Variants in RBMS1 observed in about 807,000 individuals in gnomAD.
RBMS1 encodes the protein RNA binding motif single stranded interacting protein 1.
RBMS1 carries 17 observed loss-of-function variants against 62.3 expected under a neutral mutation model. The ratio of observed to expected loss-of-function variants is 0.27; its 90% CI spans 0.19 to 0.41. The LOEUF (loss-of-function observed/expected upper bound fraction) is 0.41, where lower values mean the gene tolerates loss of function less well. RBMS1 is among the 10% of genes least tolerant of loss of function. The pLI is 1.00. For missense variants in RBMS1, 334 were observed against 504.5 expected (o/e 0.66, Z 3.24); for synonymous variants, 172 against 170.0 (o/e 1.01, Z -0.09).
At chr2:160,367,159 A>G in intron 2 of RBMS1, 57 bp downstream of exon 2, 1 of 1,536,956 alleles carries the variant, frequency 6.5e-7, no homozygotes, top group Non-Finnish European at 9.0e-7. Flanking sequence ...ATATCACTCT[A>G]TAATATGATC....
intron 2 of RBMS1, among the ~76,000 whole-genome samples, chr2:160,329,079 C>T (rs1025432927): frequency 5.9e-5 from 9 of 152,278 alleles, no homozygotes; most frequent in South Asian, 2.1e-4. Context: ...TGAACACTAA[C>T]GCTGGCTTTG....
chr2:160,418,253 C>T (rs138068190), intron 1 of RBMS1, among the ~76,000 whole-genome samples: 20 of 152,332 alleles, frequency 1.3e-4, no homozygotes, highest in South Asian at 1.0e-3. Flanking sequence ...TACACAGACA[C>T]GCATACACTC....
intron 4 of RBMS1, among the ~76,000 whole-genome samples, chr2:160,308,735 G>A (rs534730489): frequency 6.6e-6 from 1 of 152,278 alleles, no homozygotes; most frequent in South Asian, 2.1e-4. Context: ...CTTTTCCTTA[G>A]CCAATGTATA....
chr2:160,350,745 G>T (rs1389763837), intron 2 of RBMS1, among the ~76,000 whole-genome samples: 1 of 152,128 alleles, frequency 6.6e-6, no homozygotes, highest in African/African-American at 2.4e-5. Flanking sequence ...TCTTAATCCA[G>T]TCTATCATTG....
At chr2:160,326,215 A>C (rs1480532258) in intron 2 of RBMS1, among the ~76,000 whole-genome samples, 1 of 152,242 alleles carries the variant, frequency 6.6e-6, no homozygotes, top group East Asian at 1.9e-4. Flanking sequence ...GATCAAACCA[A>C]GAAATCAACT....
intron 1 of RBMS1, among the ~76,000 whole-genome samples, chr2:160,453,294 G>A (rs1235323854): frequency 6.6e-6 from 1 of 151,924 alleles, no homozygotes; most frequent in Non-Finnish European, 1.5e-5. Context: ...CTGTAAAAAA[G>A]AAATAAACTA....
intron 1 of RBMS1, among the ~76,000 whole-genome samples, chr2:160,378,503 CTGGGGAAGCTGAGGT>C (rs1694114323): frequency 6.6e-6 from 1 of 151,894 alleles, no homozygotes; most frequent in South Asian, 2.1e-4. Flanking sequence ...TGTCCAACTA[CTGGGGAAGCTGAGGT>C]GGGACGATCA....
Position 160,278,553 on chromosome 2 carries a change from C to T in RBMS1, c.1057G>A (p.Gly353Arg), listed in dbSNP as rs927210621. 8.1e-6 allele frequency: 13 copies of T among 1,611,194 alleles called. No individual in the cohort carries two copies. Among genetic ancestry groups the T allele is most frequent in the African/African-American group, 1.3e-5 (1 of 74,832 alleles). ...GATAATTATTTGCCACCTACTGTTC[C>T]GGTGCTGCCTAGTGACAGATGACTC... ...QMSHLSLGST[G>R]TYMPATSAMQ... Residue 353 changes from glycine to arginine, a missense_variant, in exon 11 of 14, where the codon GGA (glycine) becomes AGA (arginine). This residue lies in a region of RBMS1 where 182 missense variants were observed against 257.7 expected (regional missense o/e 0.71). Coordinates refer to ENST00000348849, the MANE Select transcript of RBMS1 (RefSeq NM_016836.4).
chr2:160,447,040 T>C (rs1180998677), intron 1 of RBMS1, among the ~76,000 whole-genome samples: 1 of 152,226 alleles, frequency 6.6e-6, no homozygotes, highest in Non-Finnish European at 1.5e-5. Flanking sequence ...GTAGAATGTG[T>C]TAATCAGTAT....
intron 1 of RBMS1, among the ~76,000 whole-genome samples, chr2:160,458,051 C>T (rs566893157): frequency 7.2e-5 from 11 of 152,160 alleles, no homozygotes; most frequent in South Asian, 2.1e-4. Flanking sequence ...GCAGCCTCAA[C>T]CTCCTGGGCA....
chr2:160,311,759 A>G, intron 4 of RBMS1, among the ~76,000 whole-genome samples: 1 of 152,116 alleles, frequency 6.6e-6, no homozygotes, highest in East Asian at 1.9e-4. Flanking sequence ...TACTCAAAAG[A>G]TCAAACTGCT....
chr2:160,488,746 A>G (rs145614049), intron 1 of RBMS1, among the ~76,000 whole-genome samples: 2 of 152,316 alleles, frequency 1.3e-5, no homozygotes, highest in Admixed American at 1.3e-4. Flanking sequence ...AAAATAAGCT[A>G]TTTTAGATTG....
chr2:160,462,132 G>A (rs1034507044), intron 1 of RBMS1, among the ~76,000 whole-genome samples: 4 of 152,096 alleles, frequency 2.6e-5, no homozygotes, highest in African/African-American at 7.2e-5. Context: ...TTAGCTCAAC[G>A]GGCCCCAAAC....
At chr2:160,293,058 T>G (rs1412113891) in intron 6 of RBMS1, among the ~76,000 whole-genome samples, 1 of 152,154 alleles carries the variant, frequency 6.6e-6, no homozygotes, top group Non-Finnish European at 1.5e-5. Context: ...ATGTACCGGG[T>G]GAGGGAGATA....
At chr2:160,384,765 C>T (rs914037327) in intron 1 of RBMS1, among the ~76,000 whole-genome samples, 1 of 152,206 alleles carries the variant, frequency 6.6e-6, no homozygotes, top group Non-Finnish European at 1.5e-5. Context: ...TGCTCAGTAA[C>T]TGCTACCTAC....
chr2:160,292,099 T>C (rs994705973), intron 6 of RBMS1, among the ~76,000 whole-genome samples: 12 of 152,342 alleles, frequency 7.9e-5, no homozygotes, highest in African/African-American at 2.6e-4. Flanking sequence ...TGTGTGGATC[T>C]TAATCTTTTT....
chr2:160,448,688 G>A (rs1314197251), intron 1 of RBMS1, among the ~76,000 whole-genome samples: 1 of 152,220 alleles, frequency 6.6e-6, no homozygotes, highest in East Asian at 1.9e-4. Flanking sequence ...CCAAAGTGCC[G>A]AGATTGCAGC....
Position 160,493,415 on chromosome 2 carries a change from A to G in RBMS1, c.-52T>C. 1 of 1,569,772 alleles carries G rather than the reference A, an allele frequency of 6.4e-7. No individual in the cohort carries two copies. Among genetic ancestry groups the G allele is most frequent in the Non-Finnish European group, 8.8e-7 (1 of 1,141,790 alleles). ...GGGTCGCGGACACTTTGGGGTTTCC[A>G]AGTCTCGGGCTCTCCTGCCTCTCCC... On this transcript the variant is annotated 5_prime_UTR_variant, in exon 1 of 14. Coordinates refer to ENST00000348849, the MANE Select transcript of RBMS1 (RefSeq NM_016836.4).
intron 2 of RBMS1, among the ~76,000 whole-genome samples, chr2:160,326,820 G>A (rs1344926259): frequency 6.6e-6 from 1 of 152,204 alleles, no homozygotes; most frequent in Non-Finnish European, 1.5e-5. Flanking sequence ...TTTCTTTGAA[G>A]AAGTCTTAAA....
Sources: gnomAD v4.1 joint callset for allele counts (sites outside exome capture counted in the v4.1 genomes callset) on GRCh38, gnomAD v4.1.1 for gene constraint, gnomAD v4.1.1 regional missense constraint, MANE v1.5 for transcripts, NCBI Gene and HGNC (gene_info 2026-07-23, HGNC 2026-07-21) for gene names.